Variants in DSCAM observed in about 807,000 individuals in gnomAD.
The protein encoded by DSCAM is DS cell adhesion molecule, also known as cell adhesion molecule DSCAM.
In DSCAM, 47 loss-of-function variants were observed where a neutral mutation model predicts 217.7. The observed-to-expected ratio is 0.22, with a 90% CI of 0.17 to 0.28. DSCAM has a LOEUF of 0.28. Among genes scored for constraint, DSCAM ranks in the 10% least tolerant of loss-of-function variants. The pLI is 1.00. For missense variants in DSCAM, 2,080 were observed against 2,618.3 expected (o/e 0.79, Z 4.49); for synonymous variants, 1,056 against 1,015.3 (o/e 1.04, Z -0.76).
At position 40,016,988 on chromosome 21, in the gene DSCAM, C is replaced by T. The variant is rs921890601; in HGVS notation, c.5687-3602G>A. On this transcript the variant is annotated intron_variant, in intron 32 of 32. Coordinates refer to ENST00000400454, the MANE Select transcript of DSCAM (RefSeq NM_001389.5). This position sits in a 1 kb window ranked among gnomAD's most constrained non-coding sequence, Gnocchi z 4.3. ...AAAATCAGCTGGACGTGGTGGTACA[C>T]GCCTGTAATCCCAGCTACTCAGGAG... Among the ~76,000 whole-genome samples, 11 of 151,974 alleles carry T rather than the reference C, an allele frequency of 7.2e-5. No homozygotes were observed. Among genetic ancestry groups the T allele is most frequent in the East Asian group, 5.8e-4 (3 of 5,170 alleles).
chr21:40,031,667 A>C (rs1300902683), intron 32 of DSCAM, among the ~76,000 whole-genome samples: 3 of 152,164 alleles, frequency 2.0e-5, no homozygotes, highest in Non-Finnish European at 4.4e-5. Context: ...CAGCCCAGTG[A>C]GGCCTTGTGA....
intron 3 of DSCAM, among the ~76,000 whole-genome samples, chr21:40,669,488 A>G (rs2090244221): frequency 6.6e-6 from 1 of 152,218 alleles, no homozygotes; most frequent in African/African-American, 2.4e-5. Flanking sequence ...GCTTTCCTGT[A>G]GCTTATACAC....
chr21:40,750,878 T>A (rs1486229441), intron 1 of DSCAM, among the ~76,000 whole-genome samples: 1 of 152,136 alleles, frequency 6.6e-6, no homozygotes, highest in Non-Finnish European at 1.5e-5. Flanking sequence ...CCTTTCCCCA[T>A]GTCCACACCA....
chr21:40,261,989 T>A (rs2073458764), intron 11 of DSCAM, among the ~76,000 whole-genome samples: 1 of 152,042 alleles, frequency 6.6e-6, no homozygotes, highest in African/African-American at 2.4e-5. Context: ...AAAAGGCACC[T>A]GAGAGTTAAC....
At chr21:40,317,289 A>T (rs964150699) in intron 8 of DSCAM, among the ~76,000 whole-genome samples, 7 of 152,214 alleles carry the variant, frequency 4.6e-5, no homozygotes, top group Non-Finnish European at 1.0e-4. Context: ...TTACTGACCC[A>T]GTCTGATACA....
At position 40,211,472 on chromosome 21, in the gene DSCAM, G is replaced by C. The variant is rs76087506; in HGVS notation, c.2357-22234C>G. ...TGAGAAACTGCCAAAGAGTTTTCCA[G>C]AATGTCTGCACCATATTACATACCC... On this transcript the variant is annotated intron_variant, in intron 11 of 32. Transcript: ENST00000400454. Among the ~76,000 whole-genome samples, 679 of 152,340 alleles carry C rather than the reference G, an allele frequency of 4.5e-3. 7 individuals carry two copies. Among genetic ancestry groups the C allele is most frequent in the African/African-American group, 0.016 (654 of 41,580 alleles).
intron 31 of DSCAM, 142 bp downstream of exon 31, chr21:40,043,936 C>T (rs746462977): frequency 3.9e-5 from 33 of 839,574 alleles, no homozygotes; most frequent in South Asian, 8.6e-5. Context: ...AGATAAACCG[C>T]GTAACAATTT....
chr21:40,089,831 C>A (rs1330218597), intron 21 of DSCAM, among the ~76,000 whole-genome samples: 1 of 152,030 alleles, frequency 6.6e-6, no homozygotes, highest in African/African-American at 2.4e-5. Flanking sequence ...CAATCCTAAC[C>A]CTGAGTCAAC....
intron 8 of DSCAM, among the ~76,000 whole-genome samples, chr21:40,337,511 G>T (rs2074440974): frequency 6.6e-6 from 1 of 152,202 alleles, no homozygotes; most frequent in Non-Finnish European, 1.5e-5. Context: ...CTGGTAAGGA[G>T]ATTGTAGTCA....
At chr21:40,387,179 G>T (rs1472270420) in intron 3 of DSCAM, among the ~76,000 whole-genome samples, 1 of 152,146 alleles carries the variant, frequency 6.6e-6, no homozygotes, top group Non-Finnish European at 1.5e-5. Context: ...AAGGAAGAGG[G>T]GGGGTGAATA....
At chr21:40,770,771 G>T (rs1000307574) in intron 1 of DSCAM, among the ~76,000 whole-genome samples, 1 of 152,224 alleles carries the variant, frequency 6.6e-6, no homozygotes, top group Admixed American at 6.5e-5. Flanking sequence ...AGGTTAGTTA[G>T]GCAGCCCTAA....
intron 3 of DSCAM, among the ~76,000 whole-genome samples, chr21:40,516,780 G>A (rs1401713486): frequency 6.6e-6 from 1 of 151,746 alleles, no homozygotes; most frequent in Non-Finnish European, 1.5e-5. Context: ...GAAATTTGAT[G>A]GGCTTTTTCT....
chr21:40,638,088 CT>C (rs1235025722), intron 3 of DSCAM, among the ~76,000 whole-genome samples: 2 of 152,104 alleles, frequency 1.3e-5, no homozygotes, highest in African/African-American at 4.8e-5. Context: ...AGAACTTAGT[CT>C]TTCTTAGGTG....
chr21:40,324,805 G>T (rs780239743), intron 8 of DSCAM, among the ~76,000 whole-genome samples: 52 of 152,052 alleles, frequency 3.4e-4, no homozygotes, highest in Non-Finnish European at 5.3e-4. Flanking sequence ...AATCATCAAG[G>T]CATCAAGAAA....
intron 1 of DSCAM, among the ~76,000 whole-genome samples, chr21:40,826,793 CAG>C (rs1196074289): frequency 6.6e-6 from 1 of 152,150 alleles, no homozygotes; most frequent in African/African-American, 2.4e-5. Context: ...AGGCCTCCTT[CAG>C]AGAGTTTAAA....
At position 40,139,101 on chromosome 21, in the gene DSCAM, TGTG is replaced by T. The variant is rs150851372; in HGVS notation, c.3406+3454_3406+3456del. 2.5e-3 allele frequency among the ~76,000 whole-genome samples: 369 copies of T among 148,028 alleles called. 2 individuals carry two copies. The highest frequency in any genetic ancestry group is 3.8e-3 in the Non-Finnish European group (253 of 66,750). ...ATGCATGAGTATGTGGGATGTGTGG[TGTG>T]GTGTGTGGTGTGTGTATGTGTGGTG... On this transcript the variant is annotated intron_variant, in intron 18 of 32. Coordinates refer to ENST00000400454, the MANE Select transcript of DSCAM (RefSeq NM_001389.5).
chr21:40,573,581 A>G (rs987089184), intron 3 of DSCAM, among the ~76,000 whole-genome samples: 3 of 152,218 alleles, frequency 2.0e-5, no homozygotes, highest in Admixed American at 6.5e-5. Flanking sequence ...ATTGAAAATA[A>G]TAAGTTGTAA....
intron 11 of DSCAM, among the ~76,000 whole-genome samples, chr21:40,266,434 C>T (rs981779146): frequency 1.3e-5 from 2 of 151,816 alleles, no homozygotes; most frequent in African/African-American, 2.4e-5. Context: ...CTACAGAAAA[C>T]AGTATGGAGG....
chr21:40,085,682 G>A lies in DSCAM; in HGVS notation c.4052C>T (p.Ala1351Val). ...NGSFIIRTVK[A>V]EDSGYYSCIA... ...GCAGCTGTAATAGCCGGAGTCTTCT[G>A]CTTTCACCGTGCGAATAATGAAGCT... The change falls in exon 23 of 33, where the codon GCA becomes GTA. Residue 1351 changes from alanine to valine, a missense_variant. This residue lies in a region of DSCAM where 1,144 missense variants were observed against 1,421.1 expected (regional missense o/e 0.81). Transcript: ENST00000400454. 1 of 1,595,492 alleles carries A rather than the reference G, an allele frequency of 6.3e-7. No individual in the cohort carries two copies. Among genetic ancestry groups the A allele is most frequent in the Non-Finnish European group, 8.6e-7 (1 of 1,165,558 alleles).
Sources: allele counts gnomAD v4.1 joint callset (sites outside exome capture counted in the v4.1 genomes callset), GRCh38; gene constraint gnomAD v4.1.1; regional missense constraint gnomAD v4.1.1; non-coding constraint Gnocchi (gnomAD v3.1); transcripts MANE v1.5; gene names NCBI Gene and HGNC (gene_info 2026-07-23, HGNC 2026-07-21).